CDH8: variants seen among roughly 807,000 people sequenced by gnomAD.
The protein encoded by CDH8 is cadherin 8.
CDH8 carries 17 observed loss-of-function variants against 68.1 expected under a neutral mutation model. The observed-to-expected ratio is 0.25, with a 90% confidence interval of 0.17 to 0.37. CDH8 has a LOEUF of 0.37. Ranked by LOEUF, CDH8 falls within the 10% of genes least tolerant of loss-of-function variation. The pLI is 1.00. For synonymous variants in CDH8, 372 were observed against 365.1 expected (o/e 1.02, Z -0.21); for missense variants, 763 against 999.3 (o/e 0.76, Z 3.19).
chr16:61,992,654 C>G (rs1282204980), intron 2 of CDH8, among the ~76,000 whole-genome samples: 1 of 151,912 alleles, frequency 6.6e-6, no homozygotes, highest in African/African-American at 2.4e-5. Flanking sequence ...AATTAAATTC[C>G]CTTGGATTCA....
chr16:61,800,886 A>G (rs1467026510), intron 7 of CDH8, among the ~76,000 whole-genome samples: 1 of 152,226 alleles, frequency 6.6e-6, no homozygotes, highest in Non-Finnish European at 1.5e-5. Flanking sequence ...ATAAGGAAAA[A>G]TAAAGGTTTA....
intron 2 of CDH8, among the ~76,000 whole-genome samples, chr16:61,908,236 T>C (rs1490291512): frequency 6.6e-6 from 1 of 152,188 alleles, no homozygotes; most frequent in African/African-American, 2.4e-5. Flanking sequence ...ACTGGGCAGC[T>C]GGCTATCAAG....
rs1963305123 is a variant in CDH8 at position 61,650,725 on chromosome 16, G to GAA, written c.*2882_*2883insTT. The GAA allele has an allele frequency of 7.1e-6, 1 of 140,832 alleles. No homozygotes were observed. The highest frequency in any genetic ancestry group is 1.6e-5 in the Non-Finnish European group (1 of 63,566). 8.7% of individuals were successfully genotyped at this position (140,832 alleles called of 1,614,324 possible). A position where few individuals can be genotyped will look rare whatever the true frequency, so the allele number is the denominator to read the frequency against. On this transcript the variant is annotated 3_prime_UTR_variant, in exon 12 of 12. Transcript: ENST00000577390. ...TGTGTGTGAGAGAGAGAGAGAGAGA[G>GAA]AGAGAGAAAGAGAGAAAGAGAGAGA...
chr16:62,012,600 T>G (rs1460736499), intron 2 of CDH8, among the ~76,000 whole-genome samples: 1 of 152,188 alleles, frequency 6.6e-6, no homozygotes, highest in East Asian at 1.9e-4. Context: ...ATATATTATT[T>G]TTTCTCATTT....
chr16:61,955,814 C>T (rs1488396197), intron 2 of CDH8, among the ~76,000 whole-genome samples: 1 of 152,114 alleles, frequency 6.6e-6, no homozygotes, highest in African/African-American at 2.4e-5. Flanking sequence ...AAATTCAAAA[C>T]TATTGGGTTC....
intron 8 of CDH8, among the ~76,000 whole-genome samples, chr16:61,784,109 A>G (rs1446967695): frequency 2.6e-5 from 4 of 151,030 alleles, no homozygotes; most frequent in Non-Finnish European, 5.9e-5. Context: ...ATGTAAATGG[A>G]CTAAATTCTC....
intron 1 of CDH8, among the ~76,000 whole-genome samples, chr16:62,023,443 T>G (rs903621860): frequency 1.3e-5 from 2 of 152,066 alleles, no homozygotes; most frequent in African/African-American, 2.4e-5. Context: ...AAAGTGGCAT[T>G]AATAATAATT....
At chr16:61,931,194 T>C (rs750601258) in intron 2 of CDH8, among the ~76,000 whole-genome samples, 6 of 152,096 alleles carry the variant, frequency 3.9e-5, no homozygotes, top group Admixed American at 6.6e-5. Context: ...AGAACAGGGT[T>C]TCACTTTGTC....
chr16:61,847,264 T>A (rs1962826787), intron 4 of CDH8, among the ~76,000 whole-genome samples: 1 of 152,050 alleles, frequency 6.6e-6, no homozygotes, highest in Non-Finnish European at 1.5e-5. Context: ...CCAAGATCCC[T>A]GTCCATATGG....
intron 2 of CDH8, among the ~76,000 whole-genome samples, chr16:61,942,714 T>C (rs912520809): frequency 6.6e-6 from 1 of 152,188 alleles, no homozygotes; most frequent in Non-Finnish European, 1.5e-5. Context: ...AAAGACATTT[T>C]CATTACTCCC....
At chr16:61,950,221 T>C (rs1964870089) in intron 2 of CDH8, among the ~76,000 whole-genome samples, 1 of 152,194 alleles carries the variant, frequency 6.6e-6, no homozygotes, top group Non-Finnish European at 1.5e-5. Context: ...GCAAGCCTTT[T>C]TGATCTCAAA....
At chr16:61,961,220 C>T (rs1258631422) in intron 2 of CDH8, among the ~76,000 whole-genome samples, 2 of 151,728 alleles carry the variant, frequency 1.3e-5, no homozygotes, top group East Asian at 1.9e-4. Flanking sequence ...GAGGTTGAGG[C>T]GGAAGAATCG....
chr16:61,942,091 G>C (rs1411083101), intron 2 of CDH8, among the ~76,000 whole-genome samples: 2 of 152,110 alleles, frequency 1.3e-5, no homozygotes, highest in Non-Finnish European at 2.9e-5. Context: ...TATTTCCAAT[G>C]CTACCCATTC....
chr16:61,803,926 A>T (rs1356596725), intron 7 of CDH8, among the ~76,000 whole-genome samples: 5 of 131,192 alleles, frequency 3.8e-5, no homozygotes, highest in Non-Finnish European at 7.9e-5. Flanking sequence ...GAAAGTCAAC[A>T]AGGATACCCA....
intron 3 of CDH8, among the ~76,000 whole-genome samples, chr16:61,884,435 G>A (rs556061171): frequency 1.4e-4 from 21 of 150,840 alleles, no homozygotes; most frequent in African/African-American, 2.4e-4. Context: ...GAGCAGTGGC[G>A]TGATCTCGGC....
At chr16:61,745,025 A>AT (rs1217918311) in intron 8 of CDH8, among the ~76,000 whole-genome samples, 4,289 of 133,050 alleles carry the variant, frequency 0.032, 191 homozygotes, top group African/African-American at 0.11. Context: ...GCTGGTTTTC[A>AT]TTTTTTTTTT....
chr16:61,734,153 C>T (rs10500452), intron 8 of CDH8, among the ~76,000 whole-genome samples: 16,553 of 151,918 alleles, frequency 0.11, 906 homozygotes, highest in East Asian at 0.12. Context: ...ATACACTAGA[C>T]TGAGAGATAT....
At chr16:61,846,369 C>T (rs569506862) in intron 4 of CDH8, among the ~76,000 whole-genome samples, 90 of 152,164 alleles carry the variant, frequency 5.9e-4, no homozygotes, top group African/African-American at 2.2e-3. Context: ...CTTTAACCTC[C>T]ATCAAGTCAA....
Position 61,649,719 on chromosome 16 carries a change from G to T in CDH8, c.*3889C>A, listed in dbSNP as rs117893509. 1 of 151,958 alleles carries T rather than the reference G, an allele frequency of 6.6e-6. No individual in the cohort carries two copies. Among genetic ancestry groups the T allele is most frequent in the Non-Finnish European group, 1.5e-5 (1 of 67,978 alleles). The allele number at this position is 151,958 out of a possible 1,614,324, so 9.4% of individuals were successfully genotyped here. On this transcript the variant is annotated 3_prime_UTR_variant, in exon 12 of 12. Transcript: ENST00000577390. ...GAGATTCCCTGCAAAGCCAGTGATC[G>T]CATAATACAACTTGTTGGAAGGGCC...
Sources: allele counts gnomAD v4.1 joint callset (sites outside exome capture counted in the v4.1 genomes callset), GRCh38; gene constraint gnomAD v4.1.1; transcripts MANE v1.5; gene names NCBI Gene and HGNC (gene_info 2026-07-23, HGNC 2026-07-21).